RNF13: variants seen among roughly 807,000 people sequenced by gnomAD.
The protein encoded by RNF13 is ring finger protein 13, also known as E3 ubiquitin-protein ligase RNF13.
A neutral mutation model predicts 37.7 loss-of-function variants in RNF13; 19 were observed. The ratio of observed to expected loss-of-function variants is 0.50; its 90% confidence interval spans 0.35 to 0.74. The LOEUF (loss-of-function observed/expected upper bound fraction) is 0.74. Among genes scored for constraint, RNF13 ranks in the 30% least tolerant of loss-of-function variants. RNF13 has a pLI of 0.01. For missense variants in RNF13, 375 were observed against 453.0 expected (o/e 0.83, Z 1.56); for synonymous variants, 144 against 157.8 (o/e 0.91, Z 0.65).
intron 8 of RNF13, among the ~76,000 whole-genome samples, chr3:149,951,607 T>C (rs1478457810): frequency 6.6e-6 from 1 of 152,210 alleles, no homozygotes; most frequent in African/African-American, 2.4e-5. Flanking sequence ...CTACTTTAGT[T>C]GGGGTTGTTT....
intron 1 of RNF13, among the ~76,000 whole-genome samples, chr3:149,825,623 TTC>T (rs1216027748): frequency 6.6e-6 from 1 of 152,202 alleles, no homozygotes. Context: ...CCCAGTGAGA[TTC>T]TCTGTTACCT....
intron 8 of RNF13, among the ~76,000 whole-genome samples, chr3:149,926,294 C>G (rs1190548735): frequency 6.6e-6 from 1 of 152,150 alleles, no homozygotes; most frequent in Non-Finnish European, 1.5e-5. Flanking sequence ...TCACTGCAAG[C>G]TCCGCCTCCC....
intron 5 of RNF13, among the ~76,000 whole-genome samples, chr3:149,896,384 G>T (rs1176875756): frequency 6.6e-6 from 1 of 152,088 alleles, no homozygotes; most frequent in East Asian, 1.9e-4. Context: ...TTAAATAACT[G>T]CATCCTGAAA....
chr3:149,881,511 A>G (rs1019703580), intron 4 of RNF13, among the ~76,000 whole-genome samples: 1 of 152,046 alleles, frequency 6.6e-6, no homozygotes, highest in African/African-American at 2.4e-5. Context: ...TCATATTTTT[A>G]GTAGAGATGG....
intron 7 of RNF13, among the ~76,000 whole-genome samples, chr3:149,918,278 T>C (rs1483621275): frequency 6.6e-6 from 1 of 152,212 alleles, no homozygotes; most frequent in Non-Finnish European, 1.5e-5. Flanking sequence ...AAGTGCTCAG[T>C]AGTCACATGT....
intron 7 of RNF13, among the ~76,000 whole-genome samples, chr3:149,912,735 G>A (rs1328852205): frequency 6.6e-6 from 1 of 151,980 alleles, no homozygotes; most frequent in Admixed American, 6.6e-5. Context: ...GAGAGCTTAA[G>A]GTTAAGGGGG....
intron 3 of RNF13, 64 bp downstream of exon 3, chr3:149,852,660 A>G (rs1347994233): frequency 2.7e-6 from 2 of 751,058 alleles, no homozygotes; most frequent in Non-Finnish European, 4.2e-6. Flanking sequence ...TTTATTGTTT[A>G]TTATTTAAAG....
intron 5 of RNF13, among the ~76,000 whole-genome samples, chr3:149,897,027 G>A (rs1020585443): frequency 2.6e-5 from 4 of 152,044 alleles, no homozygotes; most frequent in Admixed American, 1.3e-4. Context: ...CAAATAAACT[G>A]GTAATGTTAG....
At chr3:149,896,064 G>A (rs1440987497) in intron 5 of RNF13, among the ~76,000 whole-genome samples, 2 of 152,002 alleles carry the variant, frequency 1.3e-5, no homozygotes, top group Admixed American at 1.3e-4. Context: ...CTAATTATTA[G>A]CTTGTAGGGA....
intron 2 of RNF13, among the ~76,000 whole-genome samples, chr3:149,848,997 T>A (rs1364818967): frequency 5.3e-5 from 8 of 152,228 alleles, no homozygotes; most frequent in Admixed American, 5.2e-4. Context: ...ATTAAAAGCC[T>A]TCTCTTAGAG....
rs368281461 is a variant in RNF13, at chr3:149,931,069, T to G, written c.700+9842T>G. ...TGTGTGTGTGTTTTTGTTTTTTTGG[T>G]TTTTTTTCTGGGGGGACAAGGTCTC... On this transcript the variant is annotated intron_variant, in intron 8 of 9. Transcript: ENST00000392894. 1.4e-4 allele frequency among the ~76,000 whole-genome samples: 21 copies of G among 151,818 alleles called. No individual in the cohort carries two copies. The East Asian group carries it at 3.7e-3, about 27-fold the overall frequency.
At chr3:149,954,075 G>T (rs1315860922) in intron 8 of RNF13, among the ~76,000 whole-genome samples, 2 of 152,026 alleles carry the variant, frequency 1.3e-5, no homozygotes, top group African/African-American at 4.8e-5. Context: ...TGAGCTAGTT[G>T]TATGTTTGTT....
At chr3:149,932,015 G>A (rs1196034156) in intron 8 of RNF13, among the ~76,000 whole-genome samples, 2 of 151,766 alleles carry the variant, frequency 1.3e-5, no homozygotes, top group South Asian at 2.1e-4. Flanking sequence ...CAAATAACAG[G>A]GTTTTTTTTT....
At chr3:149,953,342 T>G (rs1257286430) in intron 8 of RNF13, among the ~76,000 whole-genome samples, 1 of 152,240 alleles carries the variant, frequency 6.6e-6, no homozygotes, top group Non-Finnish European at 1.5e-5. Flanking sequence ...GGCACTATCA[T>G]CTCACCATCA....
chr3:149,851,061 TCA>T (rs1174268633), intron 2 of RNF13: 3 of 152,222 alleles, frequency 2.0e-5, no homozygotes, highest in Admixed American at 6.5e-5. Flanking sequence ...GATGCTTGAA[TCA>T]CACAGTTTCC....
At chr3:149,889,509 T>G (rs1714453894) in intron 4 of RNF13, among the ~76,000 whole-genome samples, 1 of 149,194 alleles carries the variant, frequency 6.7e-6, no homozygotes. Flanking sequence ...TTCACCTTGT[T>G]GGCCAGGATG....
chr3:149,948,494 A>C lies in RNF13; in HGVS notation c.701-11562A>C, dbSNP rs549502712. ...TTTTGATTCCCTTATTTCCCTTTGT[A>C]TATATTCTACAGATATCTTCCTTAT... On this transcript the variant is annotated intron_variant, in intron 8 of 9. Coordinates refer to ENST00000392894, the MANE Select transcript of RNF13 (RefSeq NM_183381.3). 2.6e-5 allele frequency among the ~76,000 whole-genome samples: 4 copies of C among 151,912 alleles called. No individual in the cohort carries two copies. The South Asian group carries it at 6.2e-4, about 24-fold the overall frequency.
intron 1 of RNF13, among the ~76,000 whole-genome samples, chr3:149,834,069 G>A (rs1721340651): frequency 6.6e-6 from 1 of 152,136 alleles, no homozygotes; most frequent in Non-Finnish European, 1.5e-5. Context: ...GGAGGTGGAA[G>A]AATTGTACAC....
chr3:149,952,862 G>C (rs1387864910), intron 8 of RNF13, among the ~76,000 whole-genome samples: 1 of 152,174 alleles, frequency 6.6e-6, no homozygotes, highest in East Asian at 1.9e-4. Flanking sequence ...ACCTCCCAGA[G>C]TGCTGGGATT....
Sources: gnomAD v4.1 joint callset for allele counts (sites outside exome capture counted in the v4.1 genomes callset) on GRCh38, gnomAD v4.1.1 for gene constraint, MANE v1.5 for transcripts, NCBI Gene and HGNC (gene_info 2026-07-23, HGNC 2026-07-21) for gene names.